Variants in AGBL1 observed in about 807,000 individuals in gnomAD.
The protein encoded by AGBL1 is cytosolic carboxypeptidase 4.
A neutral mutation model predicts 118.9 loss-of-function variants in AGBL1; 130 were observed. That is an observed-to-expected ratio of 1.09 (90% CI 0.95 to 1.26). AGBL1 has a LOEUF of 1.26. AGBL1 is among the 50% of genes most tolerant of loss of function. AGBL1 has a pLI of 0.00. For missense variants in AGBL1, 1,584 were observed against 1,298.1 expected, an observed-to-expected ratio of 1.22 and a Z score of -3.38; for synonymous variants, 555 against 478.9, an observed-to-expected ratio of 1.16 and a Z score of -2.08.
chr15:86,850,746 G>T (rs12592732), intron 22 of AGBL1, among the ~76,000 whole-genome samples: 23,463 of 152,012 alleles, frequency 0.15, 2,074 homozygotes, highest in Admixed American at 0.26. Context: ...TAATAGAAAT[G>T]CTGAAAAAAA....
At chr15:86,488,078 T>C (rs78115724) in intron 18 of AGBL1, among the ~76,000 whole-genome samples, 2 of 152,216 alleles carry the variant, frequency 1.3e-5, no homozygotes, top group Admixed American at 6.5e-5. Context: ...TCCAGTCATA[T>C]TGGCCCACAG....
At chr15:86,458,339 G>T (rs1317856966) in intron 18 of AGBL1, among the ~76,000 whole-genome samples, 2 of 152,044 alleles carry the variant, frequency 1.3e-5, no homozygotes. Context: ...TCTATATGAT[G>T]ATGTATTATA....
chr15:86,624,816 A>C (rs2142419205), intron 21 of AGBL1, among the ~76,000 whole-genome samples: 1 of 152,288 alleles, frequency 6.6e-6, no homozygotes, highest in South Asian at 2.1e-4. Flanking sequence ...CTGAAAGGTC[A>C]GACACCAGCA....
chr15:86,528,427 C>T (rs1383000888), intron 19 of AGBL1, among the ~76,000 whole-genome samples: 2 of 152,122 alleles, frequency 1.3e-5, no homozygotes, highest in Non-Finnish European at 2.9e-5. Flanking sequence ...CACCACGAGA[C>T]TATATCCCAC....
chr15:86,404,175 G>C (rs778742549), intron 18 of AGBL1, among the ~76,000 whole-genome samples: 2 of 152,088 alleles, frequency 1.3e-5, no homozygotes, highest in Non-Finnish European at 2.9e-5. Flanking sequence ...AGGGTGCCTG[G>C]GAGAAGCCAT....
intron 5 of AGBL1, among the ~76,000 whole-genome samples, chr15:86,171,761 T>C (rs978798059): frequency 1.3e-5 from 2 of 152,122 alleles, no homozygotes; most frequent in East Asian, 3.8e-4. Flanking sequence ...AGAACCACAA[T>C]TCACAATTGC....
At position 86,762,736 on chromosome 15, in the gene AGBL1, C is replaced by G. The variant is rs74845329; in HGVS notation, c.3158+88300C>G. Among the ~76,000 whole-genome samples, 198 of 152,080 alleles carry G rather than the reference C, an allele frequency of 1.3e-3. 5 individuals are homozygous for G. In the East Asian group the frequency reaches 0.032, roughly 25 times the overall value. Reference sequence around the variant, plus strand: ...GAAGTTACATTTGGTTTCTTTATCTCTGAAAACAGAGGGCTTTACTGTAGC... The same window carrying G: ...GAAGTTACATTTGGTTTCTTTATCTGTGAAAACAGAGGGCTTTACTGTAGC... On this transcript the variant is annotated intron_variant, in intron 22 of 22. Transcript: ENST00000614907.
At chr15:86,856,328 C>T (rs2079479338) in intron 22 of AGBL1, among the ~76,000 whole-genome samples, 1 of 152,142 alleles carries the variant, frequency 6.6e-6, no homozygotes, top group Non-Finnish European at 1.5e-5. Context: ...ACAAATATCC[C>T]CAATTGCTGG....
intron 22 of AGBL1, among the ~76,000 whole-genome samples, chr15:86,812,924 G>A (rs1173915934): frequency 6.6e-6 from 1 of 151,918 alleles, no homozygotes; most frequent in Non-Finnish European, 1.5e-5. Flanking sequence ...CATGTTAAAG[G>A]AGAGATTTTT....
At chr15:86,792,018 G>A (rs1271619052) in intron 22 of AGBL1, among the ~76,000 whole-genome samples, 1 of 152,148 alleles carries the variant, frequency 6.6e-6, no homozygotes, top group African/African-American at 2.4e-5. Context: ...TTACAGGCAT[G>A]AGCCACTGCA....
intron 24 of AGBL1, among the ~76,000 whole-genome samples, chr15:87,023,177 T>C (rs752025706): frequency 6.6e-6 from 1 of 152,024 alleles, no homozygotes. Flanking sequence ...TACTTAAAGA[T>C]ACAGAATTGC....
intron 17 of AGBL1, among the ~76,000 whole-genome samples, chr15:86,356,890 A>G (rs966523361): frequency 2.0e-5 from 3 of 152,204 alleles, no homozygotes; most frequent in African/African-American, 4.8e-5. Flanking sequence ...GAATTGTCCA[A>G]CATTACACAG....
chr15:86,555,353 A>C (rs1021974401), intron 21 of AGBL1, among the ~76,000 whole-genome samples: 3 of 152,204 alleles, frequency 2.0e-5, no homozygotes, highest in African/African-American at 7.2e-5. Flanking sequence ...TGGCTTTGAT[A>C]GTCTCCTGGA....
intron 16 of AGBL1, among the ~76,000 whole-genome samples, chr15:86,292,596 T>G (rs2079565046): frequency 6.6e-6 from 1 of 152,186 alleles, no homozygotes; most frequent in Non-Finnish European, 1.5e-5. Flanking sequence ...GTCTTACTAG[T>G]GTCTCAAAGG....
At chr15:86,748,510 CTTTTTTTTTTTTTTTTTTT>C (rs752203969) in intron 22 of AGBL1, among the ~76,000 whole-genome samples, 47 of 9,776 alleles carry the variant, frequency 4.8e-3, no homozygotes, top group Admixed American at 9.8e-3. Context: ...TCAATTTTGG[CTTTTTTTTTTTTTTTTTTT>C]TTTTTTTTTT....
intron 22 of AGBL1, among the ~76,000 whole-genome samples, chr15:86,687,431 T>C (rs779137593): frequency 7.9e-5 from 12 of 152,100 alleles, no homozygotes; most frequent in Non-Finnish European, 1.5e-4. Flanking sequence ...AAATGCCCCC[T>C]ACCCAAGAAC....
intron 1 of AGBL1, among the ~76,000 whole-genome samples, chr15:86,087,253 A>G (rs530181256): frequency 6.6e-6 from 1 of 151,478 alleles, no homozygotes; most frequent in East Asian, 1.9e-4. Flanking sequence ...AGCTAAAATA[A>G]TAACTAACAT....
chr15:86,175,185 A>G (rs987520360), intron 5 of AGBL1, among the ~76,000 whole-genome samples: 6 of 152,070 alleles, frequency 3.9e-5, no homozygotes, highest in South Asian at 2.1e-4. Context: ...TACTCATTCA[A>G]TCTTGTACTC....
rs148984403 is a variant in AGBL1 at position 86,564,060 on chromosome 15, C to T, written c.2994+9523C>T. ...AGATGGGTCTCCTGAATACAGCACACGGATGGGTCTTGACTCTTTATCCAA... is the reference window on the plus strand; with the variant it reads ...AGATGGGTCTCCTGAATACAGCACATGGATGGGTCTTGACTCTTTATCCAA... On this transcript the variant is annotated intron_variant, in intron 21 of 22. Transcript: ENST00000614907. 9.7e-3 allele frequency among the ~76,000 whole-genome samples: 1,478 copies of T among 152,276 alleles called. 19 individuals carry two copies. Among genetic ancestry groups the T allele is most frequent in the Non-Finnish European group, 0.016 (1,073 of 68,018 alleles).
Sources: allele counts gnomAD v4.1 joint callset (sites outside exome capture counted in the v4.1 genomes callset), GRCh38; gene constraint gnomAD v4.1.1; transcripts MANE v1.5; gene names NCBI Gene and HGNC (gene_info 2026-07-23, HGNC 2026-07-21).